SPIRE1: variants seen among roughly 807,000 people sequenced by gnomAD.
SPIRE1 encodes protein spire homolog 1.
A neutral mutation model predicts 94.1 loss-of-function variants in SPIRE1; 40 were observed. That is an observed-to-expected ratio of 0.43 (90% confidence interval 0.33 to 0.55). The LOEUF (loss-of-function observed/expected upper bound fraction) is 0.55. Among genes scored for constraint, SPIRE1 ranks in the 20% least tolerant of loss-of-function variants. The probability of loss-of-function intolerance (pLI) is 0.06; values close to 1 mark genes in which losing one functional copy is unlikely to be tolerated. For synonymous variants in SPIRE1, 376 were observed against 371.7 expected, an observed-to-expected ratio of 1.01 and a Z score of -0.13; for missense variants, 838 against 975.2, an observed-to-expected ratio of 0.86 and a Z score of 1.87.
chr18:12,621,950 C>T (rs1459357696), intron 2 of SPIRE1, among the ~76,000 whole-genome samples: 1 of 152,054 alleles, frequency 6.6e-6, no homozygotes, highest in Non-Finnish European at 1.5e-5. Context: ...TTTTAAAAAC[C>T]TTATTTTAAT....
intron 1 of SPIRE1, among the ~76,000 whole-genome samples, chr18:12,640,915 C>T (rs2038067193): frequency 6.6e-6 from 1 of 152,092 alleles, no homozygotes; most frequent in South Asian, 2.1e-4. Context: ...TCAGCTGCGT[C>T]CAGGTAGTTT....
At chr18:12,558,006 C>T (rs1429612018) in intron 2 of SPIRE1, among the ~76,000 whole-genome samples, 2 of 152,070 alleles carry the variant, frequency 1.3e-5, no homozygotes, top group Non-Finnish European at 2.9e-5. Context: ...CTATCTATCG[C>T]TATGTACAAA....
chr18:12,465,898 G>A (rs2032075340), intron 10 of SPIRE1, among the ~76,000 whole-genome samples: 1 of 151,948 alleles, frequency 6.6e-6, no homozygotes, highest in African/African-American at 2.4e-5. Flanking sequence ...AGCCTGGCCA[G>A]CATGGTGAAA....
At chr18:12,568,878 G>C (rs113919860) in intron 2 of SPIRE1, among the ~76,000 whole-genome samples, 16 of 152,036 alleles carry the variant, frequency 1.1e-4, no homozygotes, top group African/African-American at 3.9e-4. Context: ...TCACTGTAGT[G>C]GTGATCCAGC....
At chr18:12,634,845 G>C (rs553339433) in intron 2 of SPIRE1, among the ~76,000 whole-genome samples, 1 of 151,430 alleles carries the variant, frequency 6.6e-6, no homozygotes, top group Non-Finnish European at 1.5e-5. Flanking sequence ...TGAGGCGGGA[G>C]AATCGCTTGA....
intron 2 of SPIRE1, among the ~76,000 whole-genome samples, chr18:12,578,874 A>G (rs1016909818): frequency 6.6e-6 from 1 of 152,208 alleles, no homozygotes; most frequent in African/African-American, 2.4e-5. Context: ...TTGAAGAACC[A>G]CAGAAGTTTT....
intron 5 of SPIRE1, among the ~76,000 whole-genome samples, chr18:12,511,311 A>T (rs2034028988): frequency 6.6e-6 from 1 of 152,198 alleles, no homozygotes; most frequent in African/African-American, 2.4e-5. Context: ...GTTATGCCTG[A>T]GCTCTGTCTC....
intron 4 of SPIRE1, among the ~76,000 whole-genome samples, chr18:12,514,568 A>G (rs1384169435): frequency 6.6e-6 from 1 of 152,204 alleles, no homozygotes; most frequent in Non-Finnish European, 1.5e-5. Flanking sequence ...GACACTTTCA[A>G]CCATGCATGT....
intron 2 of SPIRE1, among the ~76,000 whole-genome samples, chr18:12,585,384 G>A (rs947049267): frequency 4.6e-5 from 7 of 152,138 alleles, no homozygotes; most frequent in African/African-American, 1.7e-4. Flanking sequence ...CCAGACAAAA[G>A]GCTTTCAACA....
At chr18:12,627,110 C>A (rs1397053621) in intron 2 of SPIRE1, among the ~76,000 whole-genome samples, 2 of 151,900 alleles carry the variant, frequency 1.3e-5, no homozygotes, top group African/African-American at 2.4e-5. Flanking sequence ...TTCTAGGGTA[C>A]ATGCGCACAA....
chr18:12,495,963 A>G (rs2033442596), intron 7 of SPIRE1, 53 bp downstream of exon 7: 9 of 1,373,984 alleles, frequency 6.6e-6, no homozygotes, highest in Non-Finnish European at 9.4e-6. Context: ...ACCCTAGAGT[A>G]GAATAATTCA....
Position 12,494,910 on chromosome 18 carries a change from C to T in SPIRE1, c.1059+1106G>A, listed in dbSNP as rs550310330. Among the ~76,000 whole-genome samples the T allele has an allele frequency of 2.7e-5, 4 of 146,400 alleles. No individual in the cohort carries two copies. In the South Asian group the frequency reaches 8.6e-4, roughly 31 times the overall value. On this transcript the variant is annotated intron_variant, in intron 7 of 16. Transcript: ENST00000409402. Reference sequence around the variant, plus strand: ...TGAAAATACAAAAAAATTAGCCAGGCGTGGTGGCAGGTGCCTGTAGTCCCA... The same window carrying T: ...TGAAAATACAAAAAAATTAGCCAGGTGTGGTGGCAGGTGCCTGTAGTCCCA...
chr18:12,514,404 T>C (rs984663182), intron 4 of SPIRE1, among the ~76,000 whole-genome samples: 6 of 152,204 alleles, frequency 3.9e-5, no homozygotes, highest in African/African-American at 1.4e-4. Context: ...TTATTTCATA[T>C]GTTTACTGTC....
intron 2 of SPIRE1, among the ~76,000 whole-genome samples, chr18:12,562,872 A>G (rs753091129): frequency 1.3e-5 from 2 of 152,212 alleles, no homozygotes; most frequent in Non-Finnish European, 2.9e-5. Context: ...ACTAAAATAT[A>G]GTTAACACAA....
In SPIRE1 at chr18:12,638,452, T is replaced by C. The variant is rs187414601; in HGVS notation, c.338-3356A>G. Among the ~76,000 whole-genome samples, 1,180 of 148,928 alleles carry C rather than the reference T, an allele frequency of 7.9e-3. 14 individuals are homozygous for C. The highest frequency in any genetic ancestry group is 0.027 in the African/African-American group (1,108 of 41,296). ...GAACAAGGCCTTGCCTCAGAAACCA[T>C]TAATTAATTAATTAAAAACAGATGA... On this transcript the variant is annotated intron_variant, in intron 1 of 16. Transcript: ENST00000409402.
At chr18:12,502,786 A>C (rs1342853452) in intron 6 of SPIRE1, among the ~76,000 whole-genome samples, 1 of 152,192 alleles carries the variant, frequency 6.6e-6, no homozygotes, top group Non-Finnish European at 1.5e-5. Flanking sequence ...GGCTGGGTAC[A>C]CAAGCCACGG....
At chr18:12,549,515 G>C (rs1414239686) in intron 2 of SPIRE1, among the ~76,000 whole-genome samples, 3 of 128,660 alleles carry the variant, frequency 2.3e-5, no homozygotes, top group Non-Finnish European at 4.7e-5. Context: ...GTAGTGGCGC[G>C]ATCTCGGCTC....
intron 2 of SPIRE1, among the ~76,000 whole-genome samples, chr18:12,632,684 GCC>G (rs1215336212): frequency 6.6e-6 from 1 of 151,516 alleles, no homozygotes; most frequent in Non-Finnish European, 1.5e-5. Flanking sequence ...CTTGTGTTTT[GCC>G]CCCTCCAAAT....
intron 2 of SPIRE1, among the ~76,000 whole-genome samples, chr18:12,557,006 T>A (rs557656644): frequency 1.6e-4 from 24 of 152,314 alleles, no homozygotes; most frequent in Admixed American, 9.8e-4. Flanking sequence ...AGGGTGCTGA[T>A]TGGTGCGTTT....
Sources: allele counts gnomAD v4.1 joint callset (sites outside exome capture counted in the v4.1 genomes callset), GRCh38; gene constraint gnomAD v4.1.1; transcripts MANE v1.5; gene names NCBI Gene and HGNC (gene_info 2026-07-23, HGNC 2026-07-21).